The following AGPS variants were observed in gnomAD, a reference collection of about 807,000 sequenced individuals.
AGPS encodes the protein alkyldihydroxyacetonephosphate synthase, peroxisomal.
Under a neutral mutation model 90.7 loss-of-function variants are expected in AGPS, and 26 were observed. The ratio of observed to expected loss-of-function variants is 0.29; its 90% confidence interval spans 0.21 to 0.40. The LOEUF is 0.40. Among genes scored for constraint, AGPS ranks in the 10% least tolerant of loss-of-function variants. AGPS has a pLI of 1.00. For synonymous variants in AGPS, 294 were observed against 285.3 expected (o/e 1.03, Z -0.31); for missense variants, 540 against 816.1 (o/e 0.66, Z 4.12).
chr2:177,478,882 C>T (rs558678277), intron 10 of AGPS, among the ~76,000 whole-genome samples: 11 of 151,782 alleles, frequency 7.2e-5, no homozygotes, highest in Non-Finnish European at 1.5e-4. Flanking sequence ...ACATTTTAGG[C>T]TATATCTCTA....
At chr2:177,505,696 A>G in intron 15 of AGPS, 121 bp downstream of exon 15, 8 of 864,402 alleles carry the variant, frequency 9.3e-6, no homozygotes, top group Admixed American at 2.0e-5. Flanking sequence ...GTAATTTAGC[A>G]TATCATTTTA....
intron 10 of AGPS, among the ~76,000 whole-genome samples, chr2:177,473,955 A>G (rs1020584902): frequency 1.3e-5 from 2 of 152,234 alleles, no homozygotes; most frequent in African/African-American, 4.8e-5. Flanking sequence ...ACTACTTTAG[A>G]TTGCCTGCAG....
At chr2:177,461,835 G>T in intron 8 of AGPS, 58 bp from the exon 9 acceptor site, 6 of 1,511,128 alleles carry the variant, frequency 4.0e-6, no homozygotes, top group Admixed American at 1.7e-5. Flanking sequence ...TTAATGTGTT[G>T]AGTGCTGTAC....
intron 9 of AGPS, among the ~76,000 whole-genome samples, chr2:177,463,461 T>C (rs185695245): frequency 3.3e-5 from 5 of 152,328 alleles, no homozygotes; most frequent in African/African-American, 1.2e-4. Context: ...ATTAAAGTGA[T>C]GTTCCCAACA....
Position 177,538,338 on chromosome 2 carries a change from GTTTGT to G in AGPS, c.*151_*155del, listed in dbSNP as rs2079202217. 1 of 890,170 alleles carries G rather than the reference GTTTGT, an allele frequency of 1.1e-6. No homozygotes were observed. The highest frequency in any genetic ancestry group is 1.7e-6 in the Non-Finnish European group (1 of 589,784). The allele number at this position is 890,170 out of a possible 1,614,324, so 55.1% of individuals were successfully genotyped here. The stretch of plus-strand genomic sequence containing the variant: ...AAAATAAGTTTGTTTTCATTCTGTA[GTTTGT>G]TTTGTTTCTACATCTATGGATTGAC... On this transcript the variant is annotated 3_prime_UTR_variant, in exon 20 of 20. Transcript: ENST00000264167.
intron 10 of AGPS, among the ~76,000 whole-genome samples, chr2:177,477,540 A>G (rs1227597213): frequency 6.6e-6 from 1 of 152,136 alleles, no homozygotes; most frequent in African/African-American, 2.4e-5. Flanking sequence ...TGGAGTTTGG[A>G]TTTTTGGATT....
In AGPS at chr2:177,442,656, G is replaced by C. The variant is rs193020371; in HGVS notation, c.789+170G>C. 8.2e-4 allele frequency among the ~76,000 whole-genome samples: 124 copies of C among 152,088 alleles called. 1 individual carries two copies. The East Asian group carries it at 0.022, about 27-fold the overall frequency. ...GAGGTCGGGAGTTCGAGACCAGCCA[G>C]GCCAACATAGCAAAACCTCATCTCT... On this transcript the variant is annotated intron_variant, in intron 7 of 19. Transcript: ENST00000264167.
At chr2:177,537,379 CA>C (rs1225193555) in intron 19 of AGPS, among the ~76,000 whole-genome samples, 1 of 152,028 alleles carries the variant, frequency 6.6e-6, no homozygotes, top group Non-Finnish European at 1.5e-5. Context: ...GAACTTTGTA[CA>C]GTATGTAAAA....
chr2:177,443,144 T>C (rs2105639696), intron 7 of AGPS, among the ~76,000 whole-genome samples: 1 of 152,344 alleles, frequency 6.6e-6, no homozygotes, highest in Non-Finnish European at 1.5e-5. Flanking sequence ...TATAATCTCG[T>C]TTAAAAAGGA....
chr2:177,406,693 G>A (rs1326040683), intron 1 of AGPS, among the ~76,000 whole-genome samples: 2 of 152,186 alleles, frequency 1.3e-5, no homozygotes, highest in Non-Finnish European at 2.9e-5. Context: ...TTTGGTAGAA[G>A]CAATGAACAT....
At position 177,442,602 on chromosome 2, in the gene AGPS, C is replaced by T. The variant is rs4893951; in HGVS notation, c.789+116C>T. The T allele has an allele frequency of 0.75, 612,345 of 817,754 alleles. 230,415 individuals carry two copies. Among genetic ancestry groups the T allele is most frequent in the Admixed American group, 0.83 (38,880 of 47,042 alleles). 50.7% of individuals were successfully genotyped at this position (817,754 alleles called of 1,614,324 possible). ...TGGCTCACGCTTGTAATCCCAGCAC[C>T]TGGGGAGGCTGAGGTGGGTGGATCA... is the stretch of plus-strand genomic sequence containing the variant. On this transcript the variant is annotated intron_variant, in intron 7 of 19. Transcript: ENST00000264167.
intron 9 of AGPS, among the ~76,000 whole-genome samples, chr2:177,466,549 G>A (rs1687453628): frequency 6.6e-6 from 1 of 152,194 alleles, no homozygotes; most frequent in African/African-American, 2.4e-5. Context: ...GGCTGTTCGT[G>A]CTAAGGGCCT....
Position 177,393,040 on chromosome 2 carries a change from C to T in AGPS, c.251C>T (p.Pro84Leu). 1.3e-6 allele frequency: 2 copies of T among 1,550,348 alleles called. No individual in the cohort carries two copies. The highest frequency in any genetic ancestry group is 1.7e-6 in the Non-Finnish European group (2 of 1,146,796). Residue 84 changes from proline to leucine, a missense_variant, in exon 1 of 20, where the codon CCA becomes CTA. Pro to Leu is a moderately conservative substitution (Grantham distance 98). Coordinates refer to ENST00000264167, the MANE Select transcript of AGPS (RefSeq NM_003659.4). ...GCCGCGCAGGAGTCGGGCACCATCC[C>T]AAAGAAGCGGTGAGTAGCGGTATGT... ...TPAAQESGTI[P>L]KKRQEVMKWN...
At chr2:177,454,790 A>ATTT (rs971079253) in intron 8 of AGPS, among the ~76,000 whole-genome samples, 4 of 152,088 alleles carry the variant, frequency 2.6e-5, no homozygotes, top group Non-Finnish European at 2.9e-5. Context: ...TCTGAGACTA[A>ATTT]TTACTTTCCA....
rs183205649 is a variant in AGPS at position 177,442,322 on chromosome 2, A to G, written c.710-85A>G. On this transcript the variant is annotated intron_variant, in intron 6 of 19. Transcript: ENST00000264167. Reference sequence around the variant, plus strand: ...TCACTTTTCTAGTGGCCCTATCTGTATACTTGATATGAGGGATTTGCCATA... The same window carrying G: ...TCACTTTTCTAGTGGCCCTATCTGTGTACTTGATATGAGGGATTTGCCATA... The G allele has an allele frequency of 2.9e-6, 3 of 1,045,400 alleles. 1 individual carries two copies. In the South Asian group the frequency reaches 3.8e-5, roughly 13 times the overall value. 64.8% of individuals were successfully genotyped at this position (1,045,400 alleles called of 1,614,324 possible).
Position 177,508,172 on chromosome 2 carries a change from A to G in AGPS, c.1607+141A>G, listed in dbSNP as rs1688765558. 2.7e-5 allele frequency: 18 copies of G among 675,248 alleles called. No individual in the cohort carries two copies. In the South Asian group the frequency reaches 3.1e-4, roughly 11 times the overall value. The allele number at this position is 675,248 out of a possible 1,614,324, so 41.8% of individuals were successfully genotyped here. A position where few individuals can be genotyped will look rare whatever the true frequency, so the allele number is the denominator to read the frequency against. On this transcript the variant is annotated intron_variant, in intron 16 of 19. Coordinates refer to ENST00000264167, the MANE Select transcript of AGPS (RefSeq NM_003659.4). Reference sequence around the variant, plus strand: ...ACAAGGCAGCTACTTTATTTAAATTAATATATTCATCAGAATGCCGTATTT... The same window carrying G: ...ACAAGGCAGCTACTTTATTTAAATTGATATATTCATCAGAATGCCGTATTT...
chr2:177,422,478 C>T (rs922724560), intron 2 of AGPS, among the ~76,000 whole-genome samples: 6 of 152,034 alleles, frequency 3.9e-5, no homozygotes, highest in African/African-American at 1.4e-4. Context: ...TTGTTGACTC[C>T]TAAGTCAGAG....
chr2:177,479,141 A>T (rs1358052509), intron 10 of AGPS, among the ~76,000 whole-genome samples: 2 of 152,154 alleles, frequency 1.3e-5, no homozygotes, highest in African/African-American at 2.4e-5. Flanking sequence ...TTAGGAGCTG[A>T]ATGCTGGGAG....
At chr2:177,483,996 C>A (rs1303614530) in intron 11 of AGPS, among the ~76,000 whole-genome samples, 1 of 116,738 alleles carries the variant, frequency 8.6e-6, no homozygotes, top group African/African-American at 3.2e-5. Flanking sequence ...CATAAAAGAA[C>A]AGGAAGCTAG....
Sources: gnomAD v4.1 joint callset for allele counts (sites outside exome capture counted in the v4.1 genomes callset) on GRCh38, gnomAD v4.1.1 for gene constraint, MANE v1.5 for transcripts, NCBI Gene and HGNC (gene_info 2026-07-23, HGNC 2026-07-21) for gene names.